Variants in MEOX2 observed in about 807,000 individuals in gnomAD.
The protein encoded by MEOX2 is homeobox protein MOX-2.
MEOX2 carries 11 observed loss-of-function variants against 27.0 expected under a neutral mutation model. The ratio of observed to expected loss-of-function variants is 0.41; its 90% CI spans 0.26 to 0.68. The LOEUF (loss-of-function observed/expected upper bound fraction) is 0.68. Ranked by LOEUF, MEOX2 falls within the 30% of genes least tolerant of loss-of-function variation. MEOX2 has a pLI of 0.33. For missense variants in MEOX2, 436 were observed against 385.4 expected (o/e 1.13, Z -1.10); for synonymous variants, 189 against 155.4 (o/e 1.22, Z -1.61).
intron 2 of MEOX2, among the ~76,000 whole-genome samples, chr7:15,625,812 T>C (rs1054406536): frequency 3.3e-5 from 5 of 152,170 alleles, no homozygotes; most frequent in Non-Finnish European, 5.9e-5. Flanking sequence ...GGGAACACTG[T>C]TAGAACAAAT....
intron 1 of MEOX2, among the ~76,000 whole-genome samples, chr7:15,639,051 C>T (rs908933680): frequency 6.6e-6 from 1 of 152,072 alleles, no homozygotes; most frequent in African/African-American, 2.4e-5. Flanking sequence ...TGAGAAATCT[C>T]CATACTGTTT....
intron 1 of MEOX2, chr7:15,679,775 T>C (rs1782263038): frequency 6.6e-6 from 1 of 151,996 alleles, no homozygotes. Flanking sequence ...ATTCTATTGA[T>C]AAAACAAGGG....
chr7:15,636,315 C>G (rs770507458), intron 1 of MEOX2, among the ~76,000 whole-genome samples: 3 of 151,426 alleles, frequency 2.0e-5, no homozygotes, highest in Non-Finnish European at 4.4e-5. Flanking sequence ...GATTAATGAC[C>G]AAGAATTTAT....
At chr7:15,673,732 C>G (rs1782147414) in intron 1 of MEOX2, among the ~76,000 whole-genome samples, 1 of 151,834 alleles carries the variant, frequency 6.6e-6, no homozygotes, top group South Asian at 2.1e-4. Flanking sequence ...AAAATATAGT[C>G]TAAATTCTTT....
intron 1 of MEOX2, among the ~76,000 whole-genome samples, chr7:15,639,851 T>G (rs1243484605): frequency 6.6e-6 from 1 of 152,204 alleles, no homozygotes; most frequent in Non-Finnish European, 1.5e-5. Flanking sequence ...CAAACTGTTT[T>G]GGTTACTAAA....
Position 15,618,173 on chromosome 7 carries a change from G to A in MEOX2, c.691-5562C>T, listed in dbSNP as rs76879672. Among the ~76,000 whole-genome samples the A allele has an allele frequency of 1.7e-4, 26 of 151,978 alleles. No individual in the cohort carries two copies. The East Asian group carries it at 4.3e-3, about 25-fold the overall frequency. ...CTTTATACCTGGTAAAATTCAACTC[G>A]AATGGCTTCTTTCACCATATTTACA... On this transcript the variant is annotated intron_variant, in intron 2 of 2. Coordinates refer to ENST00000262041, the MANE Select transcript of MEOX2 (RefSeq NM_005924.5).
At chr7:15,682,656 T>C (rs1782312153) in intron 1 of MEOX2, among the ~76,000 whole-genome samples, 1 of 152,026 alleles carries the variant, frequency 6.6e-6, no homozygotes, top group Non-Finnish European at 1.5e-5. Flanking sequence ...GATCAATGAA[T>C]TAATTTTAGT....
intron 1 of MEOX2, among the ~76,000 whole-genome samples, chr7:15,667,523 G>C (rs530152442): frequency 6.6e-6 from 1 of 152,000 alleles, no homozygotes; most frequent in Non-Finnish European, 1.5e-5. Flanking sequence ...TGTACCCAAA[G>C]CGTAGGGCCA....
intron 1 of MEOX2, among the ~76,000 whole-genome samples, chr7:15,647,556 A>G (rs1448487416): frequency 6.6e-6 from 1 of 152,098 alleles, no homozygotes; most frequent in Non-Finnish European, 1.5e-5. Context: ...ATTCTCAAGG[A>G]TAATGATCTA....
intron 1 of MEOX2, among the ~76,000 whole-genome samples, chr7:15,673,448 C>A (rs1782137559): frequency 6.6e-6 from 1 of 151,714 alleles, no homozygotes; most frequent in Non-Finnish European, 1.5e-5. Flanking sequence ...CGTCATAGAA[C>A]TAAATACACA....
Sources: allele counts gnomAD v4.1 joint callset (sites outside exome capture counted in the v4.1 genomes callset), GRCh38; gene constraint gnomAD v4.1.1; transcripts MANE v1.5; gene names NCBI Gene and HGNC (gene_info 2026-07-23, HGNC 2026-07-21).